Variants in RSPH10B2 observed in about 807,000 individuals in gnomAD.
RSPH10B2 encodes the protein radial spoke head 10 homolog B2 (Chlamydomonas).
RSPH10B2 carries 9 observed loss-of-function variants against 49.0 expected under a neutral mutation model. That is an observed-to-expected ratio of 0.18 (90% CI 0.11 to 0.32). The LOEUF is 0.32. Ranked by LOEUF, RSPH10B2 falls within the 10% of genes least tolerant of loss-of-function variation. The pLI is 1.00. For missense variants in RSPH10B2, 95 were observed against 589.9 expected, an observed-to-expected ratio of 0.16 and a Z score of 8.69; for synonymous variants, 35 against 210.2, an observed-to-expected ratio of 0.17 and a Z score of 7.21.
intron 6 of RSPH10B2, among the ~76,000 whole-genome samples, chr7:6,768,323 T>C (rs1431393033): frequency 6.6e-6 from 1 of 152,306 alleles, no homozygotes; most frequent in Non-Finnish European, 1.5e-5. Flanking sequence ...GCCAGGCTGG[T>C]TTCAAACTGC....
At chr7:6,755,876 G>GGTT (rs1781040935), upstream of RSPH10B2, among the ~76,000 whole-genome samples, 3 of 114,992 alleles carry the variant, frequency 2.6e-5, no homozygotes, top group African/African-American at 1.3e-4. Context: ...GTTGCAGTGA[G>GGTT]CCAGTGAGCC....
At chr7:6,794,137 C>T (rs1782471512) in intron 17 of RSPH10B2, 1 of 163,428 alleles carries the variant, frequency 6.1e-6, no homozygotes, top group Non-Finnish European at 1.3e-5. Context: ...TGCTAGGTAT[C>T]TTGGGGGGCT....
At chr7:6,785,488 A>C (rs1390935734) in intron 13 of RSPH10B2, among the ~76,000 whole-genome samples, 2 of 152,330 alleles carry the variant, frequency 1.3e-5, no homozygotes, top group African/African-American at 2.4e-5. Context: ...GCAAATGCCC[A>C]TGTTAATCCA....
chr7:6,777,178 C>T (rs1359490072), intron 10 of RSPH10B2, among the ~76,000 whole-genome samples: 1 of 53,388 alleles, frequency 1.9e-5, no homozygotes, highest in Non-Finnish European at 3.5e-5. Context: ...GCCTCAACCT[C>T]CTGAGTAGCC....
intron 6 of RSPH10B2, 151 bp from the exon 9 acceptor site, chr7:6,768,439 G>A (rs1245991408): frequency 6.7e-6 from 1 of 148,540 alleles, no homozygotes; most frequent in African/African-American, 2.5e-5. Context: ...GTAAGTAGCT[G>A]AGCTGAAATT....
At chr7:6,764,641 G>A (rs1309312411) in intron 4 of RSPH10B2, among the ~76,000 whole-genome samples, 1,312 of 151,462 alleles carry the variant, frequency 8.7e-3, no homozygotes, top group African/African-American at 0.03. Flanking sequence ...GATTACAGGC[G>A]TGAGCCACAC....
chr7:6,767,244 C>T (rs1234548462), intron 6 of RSPH10B2, among the ~76,000 whole-genome samples: 1 of 9,554 alleles, frequency 1.0e-4, no homozygotes, highest in Non-Finnish European at 3.1e-4. Flanking sequence ...TAAAGTGCTG[C>T]GATTACAGGC....
chr7:6,783,819 GAAT>G (rs376491869), intron 13 of RSPH10B2, among the ~76,000 whole-genome samples: 41 of 133,718 alleles, frequency 3.1e-4, no homozygotes, highest in Admixed American at 4.7e-4. Flanking sequence ...ATTGCCCATT[GAAT>G]AATAATAATA....
intron 8 of RSPH10B2, among the ~76,000 whole-genome samples, chr7:6,772,042 AAAATT>A (rs1310459854): frequency 1.4e-5 from 2 of 139,138 alleles, no homozygotes; most frequent in African/African-American, 5.1e-5. Flanking sequence ...AAAAAGAAAT[AAAATT>A]CATCTGTTTT....
upstream of RSPH10B2, chr7:6,753,988 TC>T (rs1334788089): frequency 3.3e-5 from 4 of 123,052 alleles, no homozygotes; most frequent in East Asian, 2.4e-4. Flanking sequence ...GTCCAGCCTT[TC>T]CCCCGGCCTT....
rs369445402 is a variant in RSPH10B2 at position 6,769,355 on chromosome 7, T to C, written c.957+589T>C. Among the ~76,000 whole-genome samples, 54 of 14,440 alleles carry C rather than the reference T, an allele frequency of 3.7e-3. No homozygotes were observed. In the South Asian group the frequency reaches 0.052, roughly 14 times the overall value. 9.5% of individuals were successfully genotyped at this position (14,440 alleles called of 152,430 possible). ...AAGTCTATTTTGTCTGATGTAAATA[T>C]AGGCGCTCTAGATTTCTTTTTAATT... On this transcript the variant is annotated intron_variant, in intron 7 of 18. Transcript: ENST00000297186.
chr7:6,766,881 C>T lies in RSPH10B2; in HGVS notation c.780+4C>T, dbSNP rs551495909. The T allele has an allele frequency of 2.9e-3, 2,323 of 795,362 alleles. 151 individuals are homozygous for T. The highest frequency in any genetic ancestry group is 0.012 in the Middle Eastern group (24 of 1,932). 49.3% of individuals were successfully genotyped at this position (795,362 alleles called of 1,614,324 possible). ...GCGGTGGGAGAGGGGCATCCAGGTACGCCCGGGCGGGGTAGCAGCTTATAC... is the reference window on the plus strand; with the variant it reads ...GCGGTGGGAGAGGGGCATCCAGGTATGCCCGGGCGGGGTAGCAGCTTATAC... On this transcript the variant is annotated splice_donor_region_variant and intron_variant, in intron 6 of 18. Coordinates refer to ENST00000297186, the Ensembl canonical transcript of RSPH10B2.
In RSPH10B2 at chr7:6,795,932, T is replaced by TAA. The variant is rs201650381; in HGVS notation, c.2234-626_2234-625dup. Among the ~76,000 whole-genome samples the TAA allele has an allele frequency of 6.0e-3, 836 of 139,418 alleles. 53 individuals are homozygous for TAA. The highest frequency in any genetic ancestry group is 9.7e-3 in the Non-Finnish European group (611 of 63,306). 91.5% of individuals were successfully genotyped at this position (139,418 alleles called of 152,430 possible). A position where few individuals can be genotyped will look rare whatever the true frequency, so the allele number is the denominator to read the frequency against. ...GGGCCATAGAGTGAGAGCTTGTCTTTAAAAAAAAAAAGAAAAAAGCAAGAG... is the reference window on the plus strand; with the variant it reads ...GGGCCATAGAGTGAGAGCTTGTCTTTAAAAAAAAAAAAAGAAAAAAGCAAGAG... On this transcript the variant is annotated intron_variant, in intron 17 of 18. Coordinates refer to ENST00000297186, the Ensembl canonical transcript of RSPH10B2.
intron 6 of RSPH10B2, among the ~76,000 whole-genome samples, chr7:6,768,003 G>T (rs1781510410): frequency 6.8e-6 from 1 of 147,668 alleles, no homozygotes; most frequent in African/African-American, 2.6e-5. Flanking sequence ...ACCAGCCTGG[G>T]TGATATGGTG....
upstream of RSPH10B2, among the ~76,000 whole-genome samples, chr7:6,752,144 G>A (rs1473665301): frequency 2.0e-5 from 3 of 150,648 alleles, no homozygotes; most frequent in Non-Finnish European, 3.0e-5. Flanking sequence ...TTAAACACGG[G>A]GGATTCTCTG....
Position 6,766,893 on chromosome 7 carries a change from G to A in RSPH10B2, c.780+16G>A, listed in dbSNP as rs768029624. Reference sequence around the variant, plus strand: ...GGGCATCCAGGTACGCCCGGGCGGGGTAGCAGCTTATACCCAGAGGCGGAT... The same window carrying A: ...GGGCATCCAGGTACGCCCGGGCGGGATAGCAGCTTATACCCAGAGGCGGAT... On this transcript the variant is annotated intron_variant, in intron 6 of 18. Coordinates refer to ENST00000297186, the Ensembl canonical transcript of RSPH10B2. 8.7e-6 allele frequency: 7 copies of A among 802,842 alleles called. No individual in the cohort carries two copies. In the East Asian group the frequency reaches 1.6e-4, roughly 18 times the overall value. The allele number at this position is 802,842 out of a possible 1,614,324, so 49.7% of individuals were successfully genotyped here. A position where few individuals can be genotyped will look rare whatever the true frequency, so the allele number is the denominator to read the frequency against.
chr7:6,758,633 C>T (rs1328149941), intron 1 of RSPH10B2, among the ~76,000 whole-genome samples: 1 of 128,294 alleles, frequency 7.8e-6, no homozygotes, highest in Non-Finnish European at 1.7e-5. Context: ...TCACTTGAGG[C>T]CAGGAGTTTG....
At chr7:6,767,826 A>G (rs1781503661) in intron 6 of RSPH10B2, among the ~76,000 whole-genome samples, 1 of 64,744 alleles carries the variant, frequency 1.5e-5, no homozygotes, top group South Asian at 8.5e-4. Context: ...GGCTCAAGTG[A>G]TCCTTCCATC....
intron 17 of RSPH10B2, among the ~76,000 whole-genome samples, chr7:6,793,748 G>A (rs1245572206): frequency 6.9e-6 from 1 of 145,548 alleles, no homozygotes; most frequent in Non-Finnish European, 1.5e-5. Context: ...GGAGGCTGAG[G>A]TGAGAGAACT....
Sources: allele counts gnomAD v4.1 joint callset (sites outside exome capture counted in the v4.1 genomes callset), GRCh38; gene constraint gnomAD v4.1.1; transcripts MANE v1.5; gene names NCBI Gene and HGNC (gene_info 2026-07-23, HGNC 2026-07-21).